Variants in GPC5 observed in about 807,000 individuals in gnomAD.
The protein encoded by GPC5 is glypican-5.
A neutral mutation model predicts 53.9 loss-of-function variants in GPC5; 47 were observed. The ratio of observed to expected loss-of-function variants is 0.87; its 90% confidence interval spans 0.69 to 1.11. GPC5 has a LOEUF of 1.11. Ranked by LOEUF, GPC5 falls within the 50% of genes most tolerant of loss-of-function variation. GPC5 has a pLI of 0.00. For synonymous variants in GPC5, 286 were observed against 263.3 expected, an observed-to-expected ratio of 1.09 and a Z score of -0.84; for missense variants, 748 against 713.1, an observed-to-expected ratio of 1.05 and a Z score of -0.56.
chr13:91,795,917 T>G (rs532795084), intron 5 of GPC5, among the ~76,000 whole-genome samples: 1 of 152,202 alleles, frequency 6.6e-6, no homozygotes, highest in Non-Finnish European at 1.5e-5. Flanking sequence ...TAAAACATAA[T>G]GATTTCTTTA....
intron 6 of GPC5, among the ~76,000 whole-genome samples, chr13:91,998,521 T>G (rs900060728): frequency 3.9e-5 from 6 of 152,180 alleles, no homozygotes; most frequent in Non-Finnish European, 8.8e-5. Context: ...TTTATTGAGA[T>G]CTTTAATTTC....
At chr13:91,998,217 C>A (rs2040521653) in intron 6 of GPC5, among the ~76,000 whole-genome samples, 1 of 152,090 alleles carries the variant, frequency 6.6e-6, no homozygotes, top group Non-Finnish European at 1.5e-5. Flanking sequence ...GCATTCCATT[C>A]CCCTCTTCTA....
chr13:92,083,608 T>G (rs1417932630), intron 6 of GPC5, among the ~76,000 whole-genome samples: 1 of 152,210 alleles, frequency 6.6e-6, no homozygotes, highest in Non-Finnish European at 1.5e-5. Flanking sequence ...TTTTATGTTT[T>G]TATTACCAAA....
At chr13:91,429,929 G>A (rs1320311567) in intron 1 of GPC5, among the ~76,000 whole-genome samples, 2 of 152,090 alleles carry the variant, frequency 1.3e-5, no homozygotes, top group East Asian at 3.9e-4. Flanking sequence ...CTTTAAGCTG[G>A]GATAGCACAG....
chr13:91,887,832 A>C (rs1460514265), intron 5 of GPC5, among the ~76,000 whole-genome samples: 3 of 152,176 alleles, frequency 2.0e-5, no homozygotes, highest in African/African-American at 7.2e-5. Flanking sequence ...AGGAAGTTCC[A>C]AAATTTTCTA....
intron 7 of GPC5, among the ~76,000 whole-genome samples, chr13:92,679,895 C>T (rs1479846833): frequency 2.1e-5 from 3 of 144,092 alleles, no homozygotes; most frequent in Admixed American, 7.0e-5. Context: ...CCCCACCCTC[C>T]CCACCCCCTT....
intron 1 of GPC5, among the ~76,000 whole-genome samples, chr13:91,407,439 C>T (rs1338974405): frequency 2.6e-5 from 4 of 152,146 alleles, no homozygotes; most frequent in Non-Finnish European, 5.9e-5. Context: ...CAGCTGTTAT[C>T]GTCATGTAGT....
chr13:92,854,469 A>G (rs183330613), intron 7 of GPC5, among the ~76,000 whole-genome samples: 1 of 151,652 alleles, frequency 6.6e-6, no homozygotes, highest in East Asian at 1.9e-4. Flanking sequence ...AAACAACTAA[A>G]ATACAAGTAT....
intron 2 of GPC5, among the ~76,000 whole-genome samples, chr13:91,617,776 G>A (rs968639276): frequency 6.6e-6 from 1 of 152,092 alleles, no homozygotes; most frequent in African/African-American, 2.4e-5. Context: ...TAGACCAACA[G>A]TCTGAAAATT....
intron 1 of GPC5, among the ~76,000 whole-genome samples, chr13:91,417,525 G>T (rs1210344801): frequency 6.6e-6 from 1 of 152,174 alleles, no homozygotes; most frequent in East Asian, 1.9e-4. Context: ...TGAGAAGGTC[G>T]AGGTAAGGGA....
chr13:92,132,290 C>T (rs149525999), intron 6 of GPC5, among the ~76,000 whole-genome samples: 23 of 152,170 alleles, frequency 1.5e-4, no homozygotes, highest in Non-Finnish European at 2.5e-4. Flanking sequence ...TTGTGAAAAT[C>T]GTACATGTAT....
rs182519824 is a variant in GPC5 at position 92,406,563 on chromosome 13, G to C, written c.1561+261574G>C. 2.0e-5 allele frequency among the ~76,000 whole-genome samples: 3 copies of C among 152,200 alleles called. No homozygotes were observed. In the East Asian group the frequency reaches 5.8e-4, roughly 29 times the overall value. ...CAGGTGCTCTGCTCCATTGTGTGGG[G>C]GTCATTAGGATAGGTCGGTTGGATG... On this transcript the variant is annotated intron_variant, in intron 7 of 7. Transcript: ENST00000377067.
chr13:92,025,690 C>A (rs2040795554), intron 6 of GPC5, among the ~76,000 whole-genome samples: 1 of 152,126 alleles, frequency 6.6e-6, no homozygotes, highest in Admixed American at 6.6e-5. Flanking sequence ...ACACTTCCAT[C>A]GTCTTTGGTG....
At chr13:92,513,216 C>A (rs1216212241) in intron 7 of GPC5, among the ~76,000 whole-genome samples, 1 of 152,182 alleles carries the variant, frequency 6.6e-6, no homozygotes, top group Non-Finnish European at 1.5e-5. Context: ...TCAGCAGGAA[C>A]ATGGCTTTTT....
intron 5 of GPC5, among the ~76,000 whole-genome samples, chr13:91,822,263 AAGAC>A (rs1262772417): frequency 2.0e-5 from 3 of 152,170 alleles, no homozygotes; most frequent in African/African-American, 4.8e-5. Flanking sequence ...TTGTCAGAAA[AAGAC>A]AGACAGACAG....
intron 4 of GPC5, among the ~76,000 whole-genome samples, chr13:91,747,649 T>TTC (rs1285565897): frequency 6.6e-6 from 1 of 151,858 alleles, no homozygotes; most frequent in Non-Finnish European, 1.5e-5. Context: ...TGGTTTTTTT[T>TTC]TTTCTAATCT....
chr13:91,412,752 GA>G (rs1877903590), intron 1 of GPC5, among the ~76,000 whole-genome samples: 1 of 152,172 alleles, frequency 6.6e-6, no homozygotes, highest in Non-Finnish European at 1.5e-5. Flanking sequence ...CACTGAAAAA[GA>G]AGGCTGATAA....
At chr13:92,320,778 G>A (rs1250029534) in intron 7 of GPC5, among the ~76,000 whole-genome samples, 2 of 152,094 alleles carry the variant, frequency 1.3e-5, no homozygotes, top group Non-Finnish European at 1.5e-5. Flanking sequence ...GCCCCCAAAT[G>A]TCTTGAACTT....
rs1030239946 is a variant in GPC5 at position 92,631,791 on chromosome 13, C to A, written c.1562-234491C>A. ...CACAAGTGCAAAATTCTCACCTAAC[C>A]TCATGCGATGTATCACAGCCAAAGC... On this transcript the variant is annotated intron_variant, in intron 7 of 7. Transcript: ENST00000377067. 2.0e-5 allele frequency among the ~76,000 whole-genome samples: 3 copies of A among 152,146 alleles called. No individual in the cohort carries two copies. The East Asian group carries it at 5.8e-4, about 29-fold the overall frequency.
Sources: allele counts gnomAD v4.1 joint callset (sites outside exome capture counted in the v4.1 genomes callset), GRCh38; gene constraint gnomAD v4.1.1; transcripts MANE v1.5; gene names NCBI Gene and HGNC (gene_info 2026-07-23, HGNC 2026-07-21).